Variants in CAMK2D observed in about 807,000 individuals in gnomAD.
CAMK2D encodes calcium/calmodulin dependent protein kinase II delta.
Under a neutral mutation model 84.0 loss-of-function variants are expected in CAMK2D, and 37 were observed. The ratio of observed to expected loss-of-function variants is 0.44; its 90% CI spans 0.34 to 0.58. CAMK2D has a LOEUF of 0.58. CAMK2D is among the 20% of genes least tolerant of loss of function. The pLI, the probability that CAMK2D is intolerant of heterozygous loss-of-function variation, is 0.02. For missense variants in CAMK2D, 448 were observed against 652.5 expected, an observed-to-expected ratio of 0.69 and a Z score of 3.41; for synonymous variants, 202 against 212.5, an observed-to-expected ratio of 0.95 and a Z score of 0.43.
At chr4:113,476,871 T>G (rs1179080295) in intron 16 of CAMK2D, among the ~76,000 whole-genome samples, 1 of 152,070 alleles carries the variant, frequency 6.6e-6, no homozygotes, top group Non-Finnish European at 1.5e-5. Flanking sequence ...AGGAACTGAC[T>G]CAACCGGTCC....
At chr4:113,543,138 C>T (rs1046165431) in intron 6 of CAMK2D, among the ~76,000 whole-genome samples, 4 of 152,170 alleles carry the variant, frequency 2.6e-5, no homozygotes, top group African/African-American at 9.7e-5. Flanking sequence ...AAAAGCATAG[C>T]TTTATAACTA....
intron 13 of CAMK2D, among the ~76,000 whole-genome samples, chr4:113,508,635 A>G (rs2098164810): frequency 1.3e-5 from 2 of 152,246 alleles, no homozygotes; most frequent in Admixed American, 1.3e-4. Context: ...GGCTGAGGAA[A>G]GCAATTGGTA....
chr4:113,460,143 G>A lies in CAMK2D; in HGVS notation c.1306+4C>T, dbSNP rs2097355485. 1 of 1,504,782 alleles carries A rather than the reference G, an allele frequency of 6.6e-7. No individual in the cohort carries two copies. Among genetic ancestry groups the A allele is most frequent in the African/African-American group, 1.4e-5 (1 of 72,746 alleles). The allele number at this position is 1,504,782 out of a possible 1,614,324, so 93.2% of individuals were successfully genotyped here. A position where few individuals can be genotyped will look rare whatever the true frequency, so the allele number is the denominator to read the frequency against. On this transcript the variant is annotated splice_donor_region_variant and intron_variant, in intron 18 of 20. Transcript: ENST00000511664. ...GCATGTTATTAAATTAGGAATAAAT[G>A]TACCATTTTCAAAGTAGAATCGGTG...
chr4:113,657,572 A>G (rs2099207253), intron 3 of CAMK2D, among the ~76,000 whole-genome samples: 2 of 152,196 alleles, frequency 1.3e-5, no homozygotes, highest in Admixed American at 6.5e-5. Flanking sequence ...TTAAAAGTTG[A>G]GCCCTCAGGT....
chr4:113,696,051 T>C (rs1217618288), intron 2 of CAMK2D, among the ~76,000 whole-genome samples: 1 of 152,066 alleles, frequency 6.6e-6, no homozygotes, highest in Non-Finnish European at 1.5e-5. Context: ...CTTAGGAAGC[T>C]CTTGCCACAG....
intron 16 of CAMK2D, among the ~76,000 whole-genome samples, chr4:113,469,933 G>C (rs1020929976): frequency 6.6e-6 from 1 of 152,094 alleles, no homozygotes; most frequent in Non-Finnish European, 1.5e-5. Flanking sequence ...TCCAGGCTCT[G>C]TAACAGCCCT....
chr4:113,693,486 C>G (rs977700942), intron 2 of CAMK2D, among the ~76,000 whole-genome samples: 3 of 152,106 alleles, frequency 2.0e-5, no homozygotes, highest in East Asian at 1.9e-4. Context: ...AAACTCTGAT[C>G]CTCACAGAGA....
chr4:113,620,516 T>A (rs992576911), intron 3 of CAMK2D, among the ~76,000 whole-genome samples: 2 of 151,760 alleles, frequency 1.3e-5, no homozygotes, highest in Non-Finnish European at 2.9e-5. Flanking sequence ...CAAGAGTTTT[T>A]TTTTTTTTTT....
chr4:113,620,753 G>T (rs1479372216), intron 3 of CAMK2D, among the ~76,000 whole-genome samples: 2 of 152,142 alleles, frequency 1.3e-5, no homozygotes, highest in Non-Finnish European at 2.9e-5. Context: ...TGATCTGCCT[G>T]CCCTGGCCTC....
At chr4:113,642,736 C>CT (rs1025205074) in intron 3 of CAMK2D, among the ~76,000 whole-genome samples, 210 of 145,966 alleles carry the variant, frequency 1.4e-3, no homozygotes, top group African/African-American at 2.7e-3. Flanking sequence ...TTTTCTTTTT[C>CT]TTTTTTTTTT....
intron 2 of CAMK2D, among the ~76,000 whole-genome samples, chr4:113,699,192 G>A (rs546682374): frequency 6.6e-6 from 1 of 152,054 alleles, no homozygotes; most frequent in Admixed American, 6.6e-5. Context: ...AAAATATCTG[G>A]GGATGGTATA....
chr4:113,749,945 AG>A (rs1383343172), intron 2 of CAMK2D, among the ~76,000 whole-genome samples: 1 of 152,238 alleles, frequency 6.6e-6, no homozygotes, highest in Non-Finnish European at 1.5e-5. Flanking sequence ...TTCTCTTTGA[AG>A]CATGTCTATT....
chr4:113,474,223 T>C (rs757452174), intron 16 of CAMK2D, among the ~76,000 whole-genome samples: 15 of 152,146 alleles, frequency 9.9e-5, no homozygotes, highest in Non-Finnish European at 2.1e-4. Context: ...CAGTTAAGAG[T>C]TGATGACATG....
At position 113,502,950 on chromosome 4, in the gene CAMK2D, G is replaced by A. The variant is rs184472809; in HGVS notation, c.1072C>T (p.Pro358Ser). The change falls in exon 15 of 21, where the codon CCT (proline) becomes TCT (serine). Residue 358 changes from proline (P) to serine (S), a missense_variant. Transcript: ENST00000511664. ...TTTCTGAATACCTTGTTTCCATCAG[G>A]GTTGTGGATTACAGTAGTTTGGGGC... ...LEPQTTVIHNPDGNKESTESS... is the reference protein window; with the variant it reads ...LEPQTTVIHNSDGNKESTESS... 3.7e-6 allele frequency: 6 copies of A among 1,607,226 alleles called. No homozygotes were observed. The highest frequency in any genetic ancestry group is 1.3e-5 in the African/African-American group (1 of 74,854).
chr4:113,625,901 C>A (rs1376684952), intron 3 of CAMK2D, among the ~76,000 whole-genome samples: 1 of 151,960 alleles, frequency 6.6e-6, no homozygotes, highest in Non-Finnish European at 1.5e-5. Flanking sequence ...GTAATCCCAG[C>A]CACTCTAGAG....
chr4:113,676,301 G>A (rs773620162), intron 2 of CAMK2D, among the ~76,000 whole-genome samples: 3 of 152,206 alleles, frequency 2.0e-5, no homozygotes, highest in Admixed American at 6.5e-5. Flanking sequence ...CACCACTCTC[G>A]CAGTCATTCC....
At chr4:113,463,191 T>C (rs1483779976) in intron 17 of CAMK2D, among the ~76,000 whole-genome samples, 1 of 152,210 alleles carries the variant, frequency 6.6e-6, no homozygotes, top group African/African-American at 2.4e-5. Flanking sequence ...ATCTCGTCCA[T>C]ATTTTATATT....
chr4:113,508,474 G>A (rs2098162259), intron 13 of CAMK2D, among the ~76,000 whole-genome samples: 1 of 152,200 alleles, frequency 6.6e-6, no homozygotes, highest in Admixed American at 6.5e-5. Context: ...CTCCATCACT[G>A]AACGGTACAG....
At chr4:113,666,722 T>TC (rs2099258832) in intron 2 of CAMK2D, among the ~76,000 whole-genome samples, 2 of 152,078 alleles carry the variant, frequency 1.3e-5, no homozygotes, top group Admixed American at 6.5e-5. Flanking sequence ...AGAATCCCAC[T>TC]CCCAAAATAA....
Sources: gnomAD v4.1 joint callset for allele counts (sites outside exome capture counted in the v4.1 genomes callset) on GRCh38, gnomAD v4.1.1 for gene constraint, MANE v1.5 for transcripts, NCBI Gene and HGNC (gene_info 2026-07-23, HGNC 2026-07-21) for gene names.